Variants in EMC4 observed in about 807,000 individuals in gnomAD.
The protein encoded by EMC4 is ER membrane protein complex subunit 4.
EMC4 carries 9 observed loss-of-function variants against 24.2 expected under a neutral mutation model. The observed-to-expected ratio is 0.37, with a 90% CI of 0.22 to 0.65. EMC4 has a LOEUF of 0.65. Ranked by LOEUF, EMC4 falls within the 30% of genes least tolerant of loss-of-function variation. EMC4 has a pLI of 0.59. For missense variants in EMC4, 169 were observed against 234.6 expected (o/e 0.72, Z 1.83); for synonymous variants, 86 against 81.1 (o/e 1.06, Z -0.32).
In EMC4 at chr15:34,225,526, G is replaced by T. The variant is rs1877884548; in HGVS notation, c.87-10G>T. ...GGTTGCAGCTTTAGTTTCTTGGTTT[G>T]GTTTTTTAGGGGTCGAAGTGACCGG... On this transcript the variant is annotated splice_polypyrimidine_tract_variant and intron_variant, in intron 1 of 4. Coordinates refer to ENST00000267750, the MANE Select transcript of EMC4 (RefSeq NM_016454.4). 1 of 1,607,822 alleles carries T rather than the reference G, an allele frequency of 6.2e-7. No homozygotes were observed. Among genetic ancestry groups the T allele is most frequent in the Non-Finnish European group, 8.5e-7 (1 of 1,174,318 alleles).
chr15:34,228,339 G>T (rs1890707310), intron 3 of EMC4, 90 bp from the exon 4 acceptor site: 1 of 1,369,720 alleles, frequency 7.3e-7, no homozygotes, highest in Non-Finnish European at 1.0e-6. Flanking sequence ...CTTACTATGG[G>T]TCTGTCTATA....
intron 4 of EMC4, 192 bp from the exon 5 acceptor site, chr15:34,229,561 G>C: frequency 1.8e-6 from 1 of 544,150 alleles, no homozygotes; most frequent in South Asian, 2.4e-5. Flanking sequence ...TTGAACTCCT[G>C]GGCTCAAGCG....
In EMC4 at chr15:34,227,751, T is replaced by C; in HGVS notation, c.260T>C (p.Met87Thr). 1 of 1,614,170 alleles carries C rather than the reference T, an allele frequency of 6.2e-7. No homozygotes were observed. ...LKQIPMNLFIMYMAGNTISIF... is the reference protein window; with the variant it reads ...LKQIPMNLFITYMAGNTISIF... ...CAGATTCCCATGAATCTCTTCATCA[T>C]GTACATGGCAGGCAATACTATCTCC... Residue 87 changes from methionine to threonine, a missense_variant, in exon 3 of 5, where the codon ATG becomes ACG. Transcript: ENST00000267750.
Position 34,229,949 on chromosome 15 carries a change from T to C in EMC4, c.*161T>C, listed in dbSNP as rs757433957. The C allele has an allele frequency of 1.6e-5, 11 of 693,984 alleles. No individual in the cohort carries two copies. Among genetic ancestry groups the C allele is most frequent in the South Asian group, 9.6e-5 (6 of 62,200 alleles). The allele number at this position is 693,984 out of a possible 1,614,324, so 43.0% of individuals were successfully genotyped here. The stretch of plus-strand genomic sequence containing the variant: ...GGGGTGACAGGTCCTAGAAGGACAA[T>C]GTGCATATTACGACAAACACAAAGA... On this transcript the variant is annotated 3_prime_UTR_variant, in exon 5 of 5. Transcript: ENST00000267750.
At chr15:34,229,521 C>T in intron 4 of EMC4, 1 of 452,948 alleles carries the variant, frequency 2.2e-6, no homozygotes, top group Admixed American at 3.9e-5. Context: ...CTTGTAGAGA[C>T]AGGGTTTTGC....
Position 34,227,865 on chromosome 15 carries a change from A to G in EMC4, c.355+19A>G, listed in dbSNP as rs201523923. On this transcript the variant is annotated intron_variant, in intron 3 of 4. Transcript: ENST00000267750. ...TCAGCCAGTAAGTATTCTTGAAACA[A>G]TAACCCTTCCATAAGTTTGAAGAAT... is the stretch of plus-strand genomic sequence containing the variant. 5.9e-4 allele frequency: 948 copies of G among 1,609,754 alleles called. 10 individuals are homozygous for G. The African/African-American group carries it at 0.012, about 20-fold the overall frequency.
chr15:34,229,817 G>C lies in EMC4; in HGVS notation c.*29G>C. On this transcript the variant is annotated 3_prime_UTR_variant, in exon 5 of 5. Coordinates refer to ENST00000267750, the MANE Select transcript of EMC4 (RefSeq NM_016454.4). ...TGAGAAAGCAGCGCCTGGTCCCTAT[G>C]TATTTGGGTCTTATTTACATCCTTC... 6.2e-7 allele frequency: 1 copy of C among 1,610,382 alleles called. No individual in the cohort carries two copies. Among genetic ancestry groups the C allele is most frequent in the South Asian group, 1.1e-5 (1 of 90,994 alleles).
intron 3 of EMC4, 110 bp downstream of exon 3, chr15:34,227,956 G>A (rs1890689172): frequency 8.5e-7 from 1 of 1,173,182 alleles, no homozygotes; most frequent in Admixed American, 1.9e-5. Flanking sequence ...GCCAAGCTGG[G>A]TGGATCATCT....
intron 2 of EMC4, 80 bp from the exon 3 acceptor site, chr15:34,227,613 T>C: frequency 6.2e-6 from 9 of 1,458,732 alleles, no homozygotes; most frequent in Non-Finnish European, 8.6e-6. Context: ...ATTCCGTTCA[T>C]GTGATTTAGC....
At chr15:34,228,797 G>A (rs1890737711) in intron 4 of EMC4, 3 of 366,172 alleles carry the variant, frequency 8.2e-6, no homozygotes, top group Non-Finnish European at 1.4e-5. Context: ...CAATTATTCT[G>A]CCTCAGCCTT....
Position 34,225,602 on chromosome 15 carries a change from A to G in EMC4, c.153A>G (p.Gln51=). The change falls in exon 2 of 5, where the codon CAA becomes CAG. Residue 51 remains glutamine, a synonymous_variant. Coordinates refer to ENST00000267750, the MANE Select transcript of EMC4 (RefSeq NM_016454.4). Reference sequence around the variant, plus strand: ...ACCCAGTCGGTTACTTGGACAAGCAAGTGCCTGATACCAGCGTGCAAGAGA... The same window carrying G: ...ACCCAGTCGGTTACTTGGACAAGCAGGTGCCTGATACCAGCGTGCAAGAGA... The part of the protein sequence containing the change: ...SLYPVGYLDK[Q]VPDTSVQETD... 6.2e-7 allele frequency: 1 copy of G among 1,614,180 alleles called. No homozygotes were observed. The highest frequency in any genetic ancestry group is 8.5e-7 in the Non-Finnish European group (1 of 1,180,026).
chr15:34,225,740 C>T (rs939921573), intron 2 of EMC4, 90 bp downstream of exon 2: 2 of 1,008,944 alleles, frequency 2.0e-6, no homozygotes, highest in Admixed American at 1.8e-5. Flanking sequence ...ACGTAGATAG[C>T]TCTTATCCTG....
In EMC4 at chr15:34,228,480, A is replaced by G; in HGVS notation, c.407A>G (p.Tyr136Cys). The change falls in exon 4 of 5, where the codon TAT becomes TGT. Residue 136 changes from tyrosine to cysteine, a missense_variant. By Grantham distance (194) the Tyr-to-Cys change is radical. Coordinates refer to ENST00000267750, the MANE Select transcript of EMC4 (RefSeq NM_016454.4). ...CAGAAGTTTCTTCAGGGTTTGGTCT[A>G]TCTCATTGGGAACCTGATGGGTTTG... ...SSQKFLQGLV[Y>C]LIGNLMGLAL... is the part of the protein sequence containing the mutation. 2 of 1,614,108 alleles carry G rather than the reference A, an allele frequency of 1.2e-6. No homozygotes were observed. Among genetic ancestry groups the G allele is most frequent in the Non-Finnish European group, 1.7e-6 (2 of 1,180,026 alleles).
chr15:34,227,087 AAAG>A (rs1566789780), intron 2 of EMC4: 1 of 151,460 alleles, frequency 6.6e-6, no homozygotes, highest in Non-Finnish European at 1.5e-5. Context: ...CATTGTAGTC[AAAG>A]AATATGTTTT....
intron 3 of EMC4, 42 bp from the exon 4 acceptor site, chr15:34,228,387 G>GA: frequency 6.2e-7 from 1 of 1,604,684 alleles, no homozygotes. Context: ...CGTATTGGGG[G>GA]AAAGAGTTCT....
intron 2 of EMC4, chr15:34,226,102 G>A (rs563398256): frequency 3.2e-6 from 1 of 317,218 alleles, no homozygotes. Flanking sequence ...ATGTTTGCCA[G>A]GCTGGTCTTG....
rs765495949 is a variant in EMC4 at position 34,227,675 on chromosome 15, TTG to T, written c.202-12_202-11del. On this transcript the variant is annotated splice_polypyrimidine_tract_variant and intron_variant, in intron 2 of 4. Coordinates refer to ENST00000267750, the MANE Select transcript of EMC4 (RefSeq NM_016454.4). ...AAGGGTAGTGATCAGAGGGTTAAAA[TTG>T]TGTGTTTTGTTTTAGCGCTGCTGGG... The T allele has an allele frequency of 2.7e-5, 43 of 1,610,550 alleles. No homozygotes were observed. Among genetic ancestry groups the T allele is most frequent in the Non-Finnish European group, 3.4e-5 (40 of 1,177,178 alleles).
rs1345585662 is a variant in EMC4 at position 34,227,756 on chromosome 15, A to G, written c.265A>G (p.Met89Val). 1.2e-6 allele frequency: 2 copies of G among 1,614,042 alleles called. No homozygotes were observed. Among genetic ancestry groups the G allele is most frequent in the African/African-American group, 1.3e-5 (1 of 74,916 alleles). The change falls in exon 3 of 5, where the codon ATG (methionine) becomes GTG (valine). Residue 89 changes from methionine (M) to valine (V), a missense_variant. Coordinates refer to ENST00000267750, the MANE Select transcript of EMC4 (RefSeq NM_016454.4). ...QIPMNLFIMY[M>V]AGNTISIFPT... ...TCCCATGAATCTCTTCATCATGTAC[A>G]TGGCAGGCAATACTATCTCCATCTT...
chr15:34,229,923 T>C lies in EMC4; in HGVS notation c.*135T>C. The C allele has an allele frequency of 1.2e-6, 1 of 815,982 alleles. No homozygotes were observed. Among genetic ancestry groups the C allele is most frequent in the Non-Finnish European group, 2.1e-6 (1 of 478,866 alleles). The allele number at this position is 815,982 out of a possible 1,614,324, so 50.5% of individuals were successfully genotyped here. A position where few individuals can be genotyped will look rare whatever the true frequency, so the allele number is the denominator to read the frequency against. The stretch of plus-strand genomic sequence containing the variant: ...AACCAAAAGACTCTTTTCTCCATGG[T>C]GGGGTGACAGGTCCTAGAAGGACAA... On this transcript the variant is annotated 3_prime_UTR_variant, in exon 5 of 5. Coordinates refer to ENST00000267750, the MANE Select transcript of EMC4 (RefSeq NM_016454.4).
Sources: gnomAD v4.1 joint callset for allele counts on GRCh38, gnomAD v4.1.1 for gene constraint, MANE v1.5 for transcripts, NCBI Gene and HGNC (gene_info 2026-07-23, HGNC 2026-07-21) for gene names.